Variants in OASL observed in about 807,000 individuals in gnomAD.
The protein encoded by OASL is 2'-5'-oligoadenylate synthase-like protein.
OASL carries 28 observed loss-of-function variants against 35.3 expected under a neutral mutation model. The observed-to-expected ratio is 0.79, with a 90% CI of 0.59 to 1.09. The LOEUF (loss-of-function observed/expected upper bound fraction) is 1.09, where lower values mean the gene tolerates loss of function less well. Among genes scored for constraint, OASL ranks in the 50% least tolerant of loss-of-function variants. OASL has a pLI of 0.00. For synonymous variants in OASL, 252 were observed against 254.6 expected, an observed-to-expected ratio of 0.99 and a Z score of 0.10; for missense variants, 620 against 635.2, an observed-to-expected ratio of 0.98 and a Z score of 0.26.
exon 2 of OASL, chr12:121,033,731 C>A: frequency 6.2e-7 from 1 of 1,612,634 alleles, no homozygotes; most frequent in Non-Finnish European, 8.5e-7. Flanking sequence ...GTGCCATTCC[C>A]GAAGGAGCCC....
chr12:121,029,232 GA>G (rs374236429), intron 3 of OASL, among the ~76,000 whole-genome samples: 8 of 146,958 alleles, frequency 5.4e-5, no homozygotes, highest in South Asian at 2.2e-4. Context: ...AGTCAGAGGA[GA>G]AAAAAAAAAG....
chr12:121,025,990 G>A (rs193088277), intron 4 of OASL, among the ~76,000 whole-genome samples: 2 of 152,240 alleles, frequency 1.3e-5, no homozygotes, highest in African/African-American at 4.8e-5. Context: ...GATCTAAAGT[G>A]GCTCATTCTG....
chr12:121,018,710 T>TA (rs200738146), downstream of OASL, among the ~76,000 whole-genome samples: 25 of 146,326 alleles, frequency 1.7e-4, no homozygotes, highest in East Asian at 1.2e-3. Flanking sequence ...CTACTAAAAA[T>TA]AAAAAAAAAA....
At chr12:121,021,782 G>A (rs1254475935) in intron 5 of OASL, among the ~76,000 whole-genome samples, 1 of 152,144 alleles carries the variant, frequency 6.6e-6, no homozygotes, top group Non-Finnish European at 1.5e-5. Flanking sequence ...CTGCACTCCA[G>A]CCTGGGCAAC....
At chr12:121,038,548 A>G (rs751497829) in intron 1 of OASL, among the ~76,000 whole-genome samples, 1 of 152,222 alleles carries the variant, frequency 6.6e-6, no homozygotes, top group Non-Finnish European at 1.5e-5. Flanking sequence ...AGTGTATGTT[A>G]AGAGGTTAGT....
intron 5 of OASL, among the ~76,000 whole-genome samples, chr12:121,022,392 G>A (rs747539272): frequency 6.6e-6 from 1 of 152,122 alleles, no homozygotes; most frequent in Non-Finnish European, 1.5e-5. Context: ...GCCAAGTTTT[G>A]TATTTTTAGT....
At chr12:121,024,971 CTTTTTTTT>C (rs751576824) in intron 4 of OASL, among the ~76,000 whole-genome samples, 21 of 63,604 alleles carry the variant, frequency 3.3e-4, no homozygotes, top group African/African-American at 1.1e-3. Flanking sequence ...CCCTAAGTTC[CTTTTTTTT>C]TTTTTTTTTT....
intron 1 of OASL, among the ~76,000 whole-genome samples, chr12:121,037,729 G>A (rs999923083): frequency 2.7e-5 from 4 of 150,142 alleles, no homozygotes; most frequent in African/African-American, 9.8e-5. Flanking sequence ...CTGAGATCGT[G>A]CCACTGCACT....
At chr12:121,026,438 G>C (rs1283368503) in intron 4 of OASL, among the ~76,000 whole-genome samples, 2 of 152,182 alleles carry the variant, frequency 1.3e-5, no homozygotes, top group Admixed American at 1.3e-4. Context: ...TTTGGAAAGT[G>C]ATCCCAGGAA....
chr12:121,039,058 C>G, exon 1 of OASL: 1 of 1,125,166 alleles, frequency 8.9e-7, no homozygotes, highest in Non-Finnish European at 1.3e-6. Context: ...TTTAAGGTAG[C>G]TCCTCCTCAG....
chr12:121,038,949 T>C, exon 1 of OASL: 1 of 1,614,150 alleles, frequency 6.2e-7, no homozygotes, highest in Non-Finnish European at 8.5e-7. Flanking sequence ...TGGTGTGCTA[T>C]ACAGTTCCTG....
chr12:121,035,730 G>A (rs1165156798), intron 1 of OASL, among the ~76,000 whole-genome samples: 3 of 152,154 alleles, frequency 2.0e-5, no homozygotes, highest in African/African-American at 7.2e-5. Flanking sequence ...GTGACCCAAG[G>A]CTGTGAGCCA....
At chr12:121,032,612 A>G (rs879398046) in intron 2 of OASL, among the ~76,000 whole-genome samples, 1 of 152,198 alleles carries the variant, frequency 6.6e-6, no homozygotes, top group Non-Finnish European at 1.5e-5. Flanking sequence ...TGACTTGCCC[A>G]TGGACGCACG....
chr12:121,018,511 G>A (rs115962919), downstream of OASL, among the ~76,000 whole-genome samples: 536 of 151,970 alleles, frequency 3.5e-3, 6 homozygotes, highest in African/African-American at 0.012. Context: ...CAGGCCCCAC[G>A]GAGAATCTTT....
rs377180675 is a variant in OASL, at chr12:121,022,466, C to G, written c.1048-1408G>C. Among the ~76,000 whole-genome samples the G allele has an allele frequency of 3.8e-4, 58 of 152,310 alleles. No individual in the cohort carries two copies. The South Asian group carries it at 8.9e-3, about 23-fold the overall frequency. On this transcript the variant is annotated intron_variant, in intron 5 of 5. Transcript: ENST00000257570. ...AACTGTTGGGCTCAAGGGATCCACCCGCCTCAGCCCCTCAAAGTGCTGTGA... is the reference window on the plus strand; with the variant it reads ...AACTGTTGGGCTCAAGGGATCCACCGGCCTCAGCCCCTCAAAGTGCTGTGA...
At chr12:121,031,698 C>G (rs899968130) in intron 2 of OASL, 81 bp from the exon 3 acceptor site, 3 of 1,242,002 alleles carry the variant, frequency 2.4e-6, no homozygotes, top group Non-Finnish European at 3.5e-6. Flanking sequence ...GGAGAGCCTG[C>G]CTTTACATTG....
At chr12:121,020,747 G>T (rs1374772538) in exon 6 of OASL, 1 of 1,614,170 alleles carries the variant, frequency 6.2e-7, no homozygotes. Context: ...GGATGAAGCT[G>T]TTGGGGTTGA....
At chr12:121,018,361 G>C (rs1189543551), downstream of OASL, among the ~76,000 whole-genome samples, 1 of 152,070 alleles carries the variant, frequency 6.6e-6, no homozygotes, top group South Asian at 2.1e-4. Context: ...TCGGTCTTCA[G>C]GGGGTAGGTG....
exon 1 of OASL, chr12:121,039,160 C>A: frequency 3.3e-6 from 2 of 599,238 alleles, no homozygotes; most frequent in Non-Finnish European, 6.0e-6. Context: ...TTGGAGACAC[C>A]CTTGCTGCAG....
Sources: gnomAD v4.1 joint callset for allele counts (sites outside exome capture counted in the v4.1 genomes callset) on GRCh38, gnomAD v4.1.1 for gene constraint, MANE v1.5 for transcripts, NCBI Gene and HGNC (gene_info 2026-07-23, HGNC 2026-07-21) for gene names.